Variants in ATXN7 observed in about 807,000 individuals in gnomAD.
ATXN7 encodes ataxin-7.
Under a neutral mutation model 70.5 loss-of-function variants are expected in ATXN7, and 12 were observed. The ratio of observed to expected loss-of-function variants is 0.17; its 90% confidence interval spans 0.11 to 0.28. The LOEUF (loss-of-function observed/expected upper bound fraction) is 0.28. ATXN7 is among the 10% of genes least tolerant of loss of function. ATXN7 has a pLI of 1.00. For missense variants in ATXN7, 1,256 were observed against 1,131.7 expected, an observed-to-expected ratio of 1.11 and a Z score of -1.58; for synonymous variants, 498 against 448.7, an observed-to-expected ratio of 1.11 and a Z score of -1.39.
intron 11 of ATXN7, among the ~76,000 whole-genome samples, chr3:63,991,429 G>T (rs2075670377): frequency 6.6e-6 from 1 of 151,866 alleles, no homozygotes; most frequent in Non-Finnish European, 1.5e-5. Flanking sequence ...AAAATACAGA[G>T]GCCAGAGGGA....
At chr3:63,883,881 T>A (rs1378947712) in intron 1 of ATXN7, among the ~76,000 whole-genome samples, 2 of 151,660 alleles carry the variant, frequency 1.3e-5, no homozygotes, top group African/African-American at 2.4e-5. Flanking sequence ...CTGGGGGAGG[T>A]TGATTAGGAT....
Position 63,982,499 on chromosome 3 carries a change from T to C in ATXN7, c.1012+54T>C. 3 of 1,434,848 alleles carry C rather than the reference T, an allele frequency of 2.1e-6. No homozygotes were observed. In the East Asian group the frequency reaches 7.3e-5, roughly 35 times the overall value. 88.9% of individuals were successfully genotyped at this position (1,434,848 alleles called of 1,614,324 possible). A position where few individuals can be genotyped will look rare whatever the true frequency, so the allele number is the denominator to read the frequency against. On this transcript the variant is annotated intron_variant, in intron 7 of 12. Coordinates refer to ENST00000674280, the MANE Select transcript of ATXN7 (RefSeq NM_001377405.1). ...GCTTCTCTATATATTAAATGGGCAT[T>C]CGTGGGGAGCAAATCAACTGCAATC...
Position 63,879,711 on chromosome 3 carries a change from C to T in ATXN7, c.-111+15553C>T, listed in dbSNP as rs184751963. Among the ~76,000 whole-genome samples, 5 of 151,960 alleles carry T rather than the reference C, an allele frequency of 3.3e-5. No individual in the cohort carries two copies. The East Asian group carries it at 7.8e-4, about 24-fold the overall frequency. Reference sequence around the variant, plus strand: ...TTCACTATGTTGGCCAAGCTAGTCTCGAACTCCGGACCTCAGGTGATCTTT... The same window carrying T: ...TTCACTATGTTGGCCAAGCTAGTCTTGAACTCCGGACCTCAGGTGATCTTT... On this transcript the variant is annotated intron_variant, in intron 1 of 12. Coordinates refer to ENST00000674280, the MANE Select transcript of ATXN7 (RefSeq NM_001377405.1).
intron 4 of ATXN7, among the ~76,000 whole-genome samples, chr3:63,948,683 T>G (rs183291503): frequency 1.3e-5 from 2 of 152,336 alleles, no homozygotes; most frequent in African/African-American, 4.8e-5. Context: ...GACTTCATTC[T>G]GCATGTGACT....
In ATXN7 at chr3:63,982,208, G is replaced by A; in HGVS notation, c.775G>A (p.Glu259Lys). ...CAGCATGACACCCTCTGTGAAAGTG[G>A]AAAAGATTCATCCGAAAATGGATGG... ...GRIMTPSVKV[E>K]KIHPKMDGTL... The change falls in exon 7 of 13, where the codon GAA becomes AAA. Residue 259 changes from glutamate (E) to lysine (K), a missense_variant. Glu to Lys is a moderately conservative substitution (Grantham distance 56, BLOSUM62 1). Coordinates refer to ENST00000674280, the MANE Select transcript of ATXN7 (RefSeq NM_001377405.1). 6.2e-7 allele frequency: 1 copy of A among 1,614,074 alleles called. No homozygotes were observed. The highest frequency in any genetic ancestry group is 8.5e-7 in the Non-Finnish European group (1 of 1,180,022).
chr3:63,908,608 C>T (rs1434832422), intron 2 of ATXN7, among the ~76,000 whole-genome samples: 3 of 152,166 alleles, frequency 2.0e-5, no homozygotes, highest in African/African-American at 4.8e-5. Context: ...AAATGTTGTA[C>T]TGGGACTGGT....
chr3:63,966,581 A>G (rs1261271916), intron 5 of ATXN7, among the ~76,000 whole-genome samples: 1 of 152,098 alleles, frequency 6.6e-6, no homozygotes, highest in Non-Finnish European at 1.5e-5. Context: ...TGGGGGAAAA[A>G]AAGTGGGTTT....
chr3:63,986,054 T>A (rs915301912), intron 8 of ATXN7, among the ~76,000 whole-genome samples: 2 of 152,146 alleles, frequency 1.3e-5, no homozygotes, highest in Non-Finnish European at 2.9e-5. Flanking sequence ...CATAGGAACA[T>A]TGGGCTGAAA....
At chr3:63,900,128 G>A (rs1328528213) in intron 2 of ATXN7, among the ~76,000 whole-genome samples, 1 of 152,114 alleles carries the variant, frequency 6.6e-6, no homozygotes, top group Non-Finnish European at 1.5e-5. Flanking sequence ...TCCTACTTCT[G>A]AAAGGAATGA....
chr3:63,887,811 G>T (rs950312048), intron 1 of ATXN7, among the ~76,000 whole-genome samples: 1 of 150,458 alleles, frequency 6.6e-6, no homozygotes, highest in African/African-American at 2.4e-5. Flanking sequence ...GGTCTCAAAC[G>T]ATCCACCTGC....
chr3:63,914,474 G>A (rs902622497), intron 4 of ATXN7, among the ~76,000 whole-genome samples: 1 of 152,172 alleles, frequency 6.6e-6, no homozygotes, highest in Admixed American at 6.5e-5. Context: ...AGGACTTGTT[G>A]ATGATGTTGC....
At position 64,000,809 on chromosome 3, in the gene ATXN7, C is replaced by G. The variant is rs1238177810; in HGVS notation, c.*1342C>G. 2.8e-5 allele frequency: 3 copies of G among 105,382 alleles called. No homozygotes were observed. The highest frequency in any genetic ancestry group is 3.4e-4 in the East Asian group (1 of 2,906). The allele number at this position is 105,382 out of a possible 1,614,324, so 6.5% of individuals were successfully genotyped here. On this transcript the variant is annotated 3_prime_UTR_variant, in exon 13 of 13. Coordinates refer to ENST00000674280, the MANE Select transcript of ATXN7 (RefSeq NM_001377405.1). ...ATATTTTTTCTAGTACCCCACCCCC[C>G]ACCCCTAAAGAAAGACCTTAATATG...
Position 63,940,391 on chromosome 3 carries a change from G to A in ATXN7, c.395-11988G>A, listed in dbSNP as rs570002838. ...AATGCTACATTAACCATTTAAAAAC[G>A]TAAAGACAGGTCAGTAGCCAATGCC... is the stretch of plus-strand genomic sequence containing the variant. On this transcript the variant is annotated intron_variant, in intron 4 of 12. Transcript: ENST00000674280. Among the ~76,000 whole-genome samples, 86 of 151,080 alleles carry A rather than the reference G, an allele frequency of 5.7e-4. 1 individual carries two copies. The highest frequency in any genetic ancestry group is 1.9e-3 in the African/African-American group (76 of 41,078).
intron 5 of ATXN7, among the ~76,000 whole-genome samples, chr3:63,977,512 A>G (rs902601322): frequency 6.6e-5 from 10 of 152,184 alleles, no homozygotes; most frequent in African/African-American, 1.9e-4. Context: ...GGGGTACACA[A>G]GGTGATTTTT....
At chr3:63,925,888 C>T (rs1704697465) in intron 4 of ATXN7, among the ~76,000 whole-genome samples, 2 of 152,020 alleles carry the variant, frequency 1.3e-5, no homozygotes, top group African/African-American at 4.8e-5. Flanking sequence ...CTTGTTGCAG[C>T]CTTGGCAGGT....
chr3:63,882,451 C>A (rs1702944543), intron 1 of ATXN7, among the ~76,000 whole-genome samples: 1 of 145,908 alleles, frequency 6.9e-6, no homozygotes, highest in South Asian at 2.2e-4. Flanking sequence ...GTGGCACAAT[C>A]TTGGCTCACT....
At chr3:63,884,205 A>G (rs202158432) in intron 1 of ATXN7, among the ~76,000 whole-genome samples, 190 of 1,462 alleles carry the variant, frequency 0.13, 1 homozygote, top group East Asian at 0.38. Flanking sequence ...TAACATGCGC[A>G]CACACACACA....
intron 4 of ATXN7, among the ~76,000 whole-genome samples, chr3:63,924,871 G>T (rs933931601): frequency 6.6e-6 from 1 of 152,164 alleles, no homozygotes; most frequent in Admixed American, 6.5e-5. Context: ...GGATCTAAGG[G>T]AATGATGAGG....
intron 9 of ATXN7, 124 bp from the exon 10 acceptor site, chr3:63,990,052 C>A (rs2075644015): frequency 1.2e-6 from 1 of 833,414 alleles, no homozygotes. Flanking sequence ...TCTGTTTTCC[C>A]CCAGTGCTAG....
Sources: gnomAD v4.1 joint callset for allele counts (sites outside exome capture counted in the v4.1 genomes callset) on GRCh38, gnomAD v4.1.1 for gene constraint, MANE v1.5 for transcripts, NCBI Gene and HGNC (gene_info 2026-07-23, HGNC 2026-07-21) for gene names.